Variants in MAP3K8 observed in about 807,000 individuals in gnomAD.
The protein encoded by MAP3K8 is mitogen-activated protein kinase kinase kinase 8, also known as Ewing sarcoma transformant.
A neutral mutation model predicts 45.8 loss-of-function variants in MAP3K8; 22 were observed. The observed-to-expected ratio is 0.48, with a 90% confidence interval of 0.34 to 0.69. MAP3K8 has a LOEUF of 0.69. Among genes scored for constraint, MAP3K8 ranks in the 30% least tolerant of loss-of-function variants. The pLI is 0.01. For missense variants in MAP3K8, 419 were observed against 585.0 expected, an observed-to-expected ratio of 0.72 and a Z score of 2.93; for synonymous variants, 223 against 214.3, an observed-to-expected ratio of 1.04 and a Z score of -0.36.
At chr10:30,444,769 G>A (rs534592550) in intron 3 of MAP3K8, among the ~76,000 whole-genome samples, 3 of 152,190 alleles carry the variant, frequency 2.0e-5, no homozygotes, top group East Asian at 1.9e-4. Context: ...TTTATAACCC[G>A]GCATTTAATA....
At chr10:30,456,435 A>C (rs1413591470) in intron 6 of MAP3K8, among the ~76,000 whole-genome samples, 1 of 152,124 alleles carries the variant, frequency 6.6e-6, no homozygotes, top group Non-Finnish European at 1.5e-5. Context: ...AGTGGCTTGC[A>C]GGAAGGAGTT....
intron 5 of MAP3K8, among the ~76,000 whole-genome samples, chr10:30,451,273 C>T (rs1836529903): frequency 6.6e-6 from 1 of 151,940 alleles, no homozygotes; most frequent in African/African-American, 2.4e-5. Context: ...CTTTAATAGC[C>T]AGTACTAAAT....
chr10:30,447,973 C>T (rs560148964), intron 4 of MAP3K8, 24 bp downstream of exon 4: 4 of 1,577,764 alleles, frequency 2.5e-6, no homozygotes, highest in African/African-American at 1.4e-5. Context: ...ACCTAGATAA[C>T]CCACACTGTG....
chr10:30,448,793 C>A (rs541021692), intron 4 of MAP3K8, among the ~76,000 whole-genome samples: 5 of 152,212 alleles, frequency 3.3e-5, no homozygotes, highest in Non-Finnish European at 7.4e-5. Context: ...ACTGTATCTA[C>A]ATAAGGTGAG....
intron 6 of MAP3K8, among the ~76,000 whole-genome samples, chr10:30,455,929 C>A (rs369403351): frequency 6.6e-6 from 1 of 152,150 alleles, no homozygotes; most frequent in Non-Finnish European, 1.5e-5. Context: ...ACAAGAGCTC[C>A]GAGCCAGGAA....
At chr10:30,437,150 T>TTC (rs1835939216) in intron 1 of MAP3K8, 26 bp from the exon 2 acceptor site, 1 of 985,104 alleles carries the variant, frequency 1.0e-6, no homozygotes, top group Non-Finnish European at 1.2e-6. Flanking sequence ...TGCCTTTTTT[T>TTC]TCTCTCTCTT....
intron 5 of MAP3K8, among the ~76,000 whole-genome samples, chr10:30,450,829 C>G (rs58864555): frequency 6.6e-6 from 1 of 151,814 alleles, no homozygotes; most frequent in Non-Finnish European, 1.5e-5. Flanking sequence ...CGCCTGTAAT[C>G]TCAGCACTTT....
rs767144818 is a variant in MAP3K8, at chr10:30,439,041, G to T, written c.103G>T (p.Ala35Ser). 3 of 1,613,996 alleles carry T rather than the reference G, an allele frequency of 1.9e-6. No individual in the cohort carries two copies. The highest frequency in any genetic ancestry group is 2.5e-6 in the Non-Finnish European group (3 of 1,179,830). The change falls in exon 3 of 9, where the codon GCA becomes TCA. Residue 35 changes from alanine (A) to serine (S), a missense_variant. By Grantham distance (99) the Ala-to-Ser change is moderately conservative (BLOSUM62 1). Coordinates refer to ENST00000263056, the MANE Select transcript of MAP3K8 (RefSeq NM_005204.4). ...AATAGACATTATGGAAAATCTTTAT[G>T]CAAGTGAAGAGCCAGCAGTTTATGA... ...DVIDIMENLY[A>S]SEEPAVYEPS... is the part of the protein sequence containing the mutation.
In MAP3K8 at chr10:30,450,247, T is replaced by C; in HGVS notation, c.505-11T>C. ...GTTATTTAGAATCTCGCTTGTATTT[T>C]TGTGTTCTAGATCCCAGTAGATCAA... On this transcript the variant is annotated splice_polypyrimidine_tract_variant and intron_variant, in intron 4 of 8. Transcript: ENST00000263056. 1.3e-6 allele frequency: 2 copies of C among 1,568,610 alleles called. No individual in the cohort carries two copies. Among genetic ancestry groups the C allele is most frequent in the Non-Finnish European group, 1.7e-6 (2 of 1,156,624 alleles).
intron 6 of MAP3K8, among the ~76,000 whole-genome samples, chr10:30,452,170 T>TAA (rs8177011): frequency 1.3e-5 from 2 of 149,294 alleles, no homozygotes; most frequent in Non-Finnish European, 3.0e-5. Context: ...CCCATCTCTA[T>TAA]AAAAAAAAAC....
chr10:30,441,475 AAAC>A lies in MAP3K8; in HGVS notation c.336+2204_336+2206del, dbSNP rs571354043. Among the ~76,000 whole-genome samples the A allele has an allele frequency of 2.8e-4, 43 of 152,320 alleles. 1 individual carries two copies. The South Asian group carries it at 8.1e-3, about 29-fold the overall frequency. On this transcript the variant is annotated intron_variant, in intron 3 of 8. Coordinates refer to ENST00000263056, the MANE Select transcript of MAP3K8 (RefSeq NM_005204.4). ...CCTGGCCAGGAAAAATTTTAAGAAT[AAAC>A]AAATACATAAGTAAAGGCAGGGATC...
intron 4 of MAP3K8, among the ~76,000 whole-genome samples, chr10:30,449,043 C>T (rs1836444407): frequency 6.6e-6 from 1 of 152,180 alleles, no homozygotes; most frequent in Admixed American, 6.5e-5. Context: ...GGATTAATCT[C>T]ATAACCATTA....
In MAP3K8 at chr10:30,453,887, A is replaced by T. The variant is rs566182018; in HGVS notation, c.873+2143A>T. 6.4e-5 allele frequency among the ~76,000 whole-genome samples: 9 copies of T among 140,828 alleles called. No homozygotes were observed. In the South Asian group the frequency reaches 2.1e-3, roughly 33 times the overall value. 92.4% of individuals were successfully genotyped at this position (140,828 alleles called of 152,430 possible). A position where few individuals can be genotyped will look rare whatever the true frequency, so the allele number is the denominator to read the frequency against. On this transcript the variant is annotated intron_variant, in intron 6 of 8. Coordinates refer to ENST00000263056, the MANE Select transcript of MAP3K8 (RefSeq NM_005204.4). ...ATCTCTTTTGAAAAAAAAAAAGAAA[A>T]AAAGAAGGAAGGGAGGGAGGGAGAG...
At chr10:30,434,845 A>G in intron 1 of MAP3K8, 1 of 915,028 alleles carries the variant, frequency 1.1e-6, no homozygotes, top group Non-Finnish European at 1.3e-6. Flanking sequence ...TTAGAGAACC[A>G]GGAGGAAAGG....
At chr10:30,454,427 G>A (rs1036517997) in intron 6 of MAP3K8, among the ~76,000 whole-genome samples, 22 of 152,056 alleles carry the variant, frequency 1.4e-4, no homozygotes, top group Non-Finnish European at 2.9e-4. Context: ...TGTAAAAATG[G>A]CATGGTGGTG....
chr10:30,442,554 A>G (rs1247285357), intron 3 of MAP3K8, among the ~76,000 whole-genome samples: 3 of 152,232 alleles, frequency 2.0e-5, no homozygotes, highest in Non-Finnish European at 4.4e-5. Flanking sequence ...TTTGACTAAA[A>G]ATAATATTTG....
At chr10:30,434,709 A>T in intron 1 of MAP3K8, 1 of 985,520 alleles carries the variant, frequency 1.0e-6, no homozygotes, top group Non-Finnish European at 1.2e-6. Flanking sequence ...CCCGCTGCCG[A>T]CGCCGCCTGG....
At chr10:30,459,567 G>C in intron 8 of MAP3K8, 66 bp downstream of exon 8, 1 of 1,571,216 alleles carries the variant, frequency 6.4e-7, no homozygotes, top group Non-Finnish European at 8.7e-7. Flanking sequence ...TCAAACCTCT[G>C]ATGTAGTTCA....
At chr10:30,459,660 G>GTT (rs758260441) in intron 8 of MAP3K8, among the ~76,000 whole-genome samples, 159 bp downstream of exon 8, 1 of 147,870 alleles carries the variant, frequency 6.8e-6, no homozygotes, top group South Asian at 2.1e-4. Context: ...GCAGAAGCAT[G>GTT]TTTTTTTTTT....
Sources: gnomAD v4.1 joint callset for allele counts (sites outside exome capture counted in the v4.1 genomes callset) on GRCh38, gnomAD v4.1.1 for gene constraint, MANE v1.5 for transcripts, NCBI Gene and HGNC (gene_info 2026-07-23, HGNC 2026-07-21) for gene names.